PGAP4: variants seen among roughly 807,000 people sequenced by gnomAD.
PGAP4 encodes GPI-N-acetylgalactosamine transferase PGAP4.
A neutral mutation model predicts 28.2 loss-of-function variants in PGAP4; 12 were observed. The observed-to-expected ratio is 0.42, with a 90% confidence interval of 0.27 to 0.69. The LOEUF (loss-of-function observed/expected upper bound fraction) is 0.69. Ranked by LOEUF, PGAP4 falls within the 30% of genes least tolerant of loss-of-function variation. PGAP4 has a pLI of 0.22. For missense variants in PGAP4, 425 were observed against 513.5 expected (o/e 0.83, Z 1.67); for synonymous variants, 205 against 211.8 (o/e 0.97, Z 0.28).
At chr9:101,510,006 A>G (rs2118607613) in intron 2 of PGAP4, among the ~76,000 whole-genome samples, 1 of 152,328 alleles carries the variant, frequency 6.6e-6, no homozygotes, top group Admixed American at 6.5e-5. Flanking sequence ...CCTCATGCAC[A>G]TCCTCCTGAA....
At chr9:101,524,820 G>A (rs1402579195) in intron 2 of PGAP4, among the ~76,000 whole-genome samples, 1 of 152,194 alleles carries the variant, frequency 6.6e-6, no homozygotes, top group Non-Finnish European at 1.5e-5. Context: ...CAGTTTTAGG[G>A]GGCTCTCCTG....
intron 2 of PGAP4, among the ~76,000 whole-genome samples, chr9:101,525,699 CAAAAAAAAA>C (rs397893277): frequency 3.3e-5 from 2 of 61,408 alleles, no homozygotes; most frequent in South Asian, 6.0e-4. Flanking sequence ...CAGAGCGTCT[CAAAAAAAAA>C]AAAAAAAAAA....
intron 1 of PGAP4, among the ~76,000 whole-genome samples, chr9:101,478,199 A>T (rs2118508250): frequency 6.6e-6 from 1 of 152,344 alleles, no homozygotes; most frequent in South Asian, 2.1e-4. Context: ...TGCCATTAAA[A>T]TCTATCCATG....
At chr9:101,494,932 T>G (rs1826725590) in intron 2 of PGAP4, among the ~76,000 whole-genome samples, 1 of 150,402 alleles carries the variant, frequency 6.6e-6, no homozygotes, top group African/African-American at 2.4e-5. Context: ...AATAGCATAT[T>G]TATATAAATG....
chr9:101,495,783 T>A (rs1435480680), intron 2 of PGAP4, among the ~76,000 whole-genome samples: 2 of 150,992 alleles, frequency 1.3e-5, no homozygotes, highest in African/African-American at 4.8e-5. Context: ...GCAATTATCT[T>A]AATAAAACAT....
At chr9:101,529,879 A>AT in intron 2 of PGAP4, among the ~76,000 whole-genome samples, 1 of 152,368 alleles carries the variant, frequency 6.6e-6, no homozygotes, top group Middle Eastern at 3.4e-3. Flanking sequence ...AAGAACTTGC[A>AT]TTTTCAGAGA....
chr9:101,473,890 A>G lies in PGAP4; in HGVS notation c.*1991T>C, dbSNP rs2118469072. The G allele has an allele frequency of 6.6e-6, 1 of 152,380 alleles. No individual in the cohort carries two copies. The highest frequency in any genetic ancestry group is 6.5e-5 in the Admixed American group (1 of 15,302). 9.4% of individuals were successfully genotyped at this position (152,380 alleles called of 1,614,324 possible). A position where few individuals can be genotyped will look rare whatever the true frequency, so the allele number is the denominator to read the frequency against. On this transcript the variant is annotated 3_prime_UTR_variant, in exon 2 of 2. Transcript: ENST00000374848. ...GGAGGAATGAAGGAGTGGGATCTGA[A>G]CATTGTAATAAGTCATCTAGTAGCT...
rs1012298683 is a variant in PGAP4 at position 101,486,256 on chromosome 9, C to T, written c.-78+693G>A. On this transcript the variant is annotated intron_variant, in intron 1 of 1. Transcript: ENST00000374848. The surrounding 1 kb of genome is among the most constrained non-coding windows in gnomAD (Gnocchi z 4.7). ...CCTGGATCTAGTGTCTGTCGCTGAC[C>T]TTGGGCAGTCCCTGCCACGCTTGAG... is the stretch of plus-strand genomic sequence containing the variant. Among the ~76,000 whole-genome samples, 15 of 152,192 alleles carry T rather than the reference C, an allele frequency of 9.9e-5. No homozygotes were observed. The highest frequency in any genetic ancestry group is 3.1e-4 in the African/African-American group (13 of 41,464).
intron 1 of PGAP4, among the ~76,000 whole-genome samples, chr9:101,481,869 A>G (rs1237709054): frequency 6.6e-6 from 1 of 152,094 alleles, no homozygotes; most frequent in Non-Finnish European, 1.5e-5. Flanking sequence ...CCACGCAGTC[A>G]CTTCCTAATC....
upstream of PGAP4, among the ~76,000 whole-genome samples, chr9:101,490,945 C>A (rs150378135): frequency 1.3e-5 from 2 of 152,166 alleles, no homozygotes; most frequent in East Asian, 3.8e-4. Flanking sequence ...GTTTAAGGAA[C>A]GTGCTGCATT....
At chr9:101,488,460 C>A (rs1449739868), upstream of PGAP4, among the ~76,000 whole-genome samples, 2 of 152,178 alleles carry the variant, frequency 1.3e-5, no homozygotes, top group African/African-American at 4.8e-5. Flanking sequence ...AAATTAACTC[C>A]TCTGTGCCTC....
rs1401073548 is a variant in PGAP4 at position 101,473,215 on chromosome 9, A to G, written c.*2666T>C. 6.6e-6 allele frequency: 1 copy of G among 152,236 alleles called. No individual in the cohort carries two copies. The highest frequency in any genetic ancestry group is 1.5e-5 in the Non-Finnish European group (1 of 68,048). 9.4% of individuals were successfully genotyped at this position (152,236 alleles called of 1,614,324 possible). A position where few individuals can be genotyped will look rare whatever the true frequency, so the allele number is the denominator to read the frequency against. ...TTTATTTTCACAGACATGTCTATGCAATACACTCAGTCACAAGAGAGAGCT... is the reference window on the plus strand; with the variant it reads ...TTTATTTTCACAGACATGTCTATGCGATACACTCAGTCACAAGAGAGAGCT... On this transcript the variant is annotated 3_prime_UTR_variant, in exon 2 of 2. Coordinates refer to ENST00000374848, the MANE Select transcript of PGAP4 (RefSeq NM_032342.3).
intron 2 of PGAP4, among the ~76,000 whole-genome samples, chr9:101,525,068 G>A (rs2118635104): frequency 6.6e-6 from 1 of 152,314 alleles, no homozygotes. Context: ...TTGTGTACCA[G>A]TGAATATACG....
Position 101,475,716 on chromosome 9 carries a change from C to T in PGAP4, c.*165G>A. ...ACTGCTGCTCCTGCCAGGAGGCTAC[C>T]AAAGCCAAGGCTCTTAACATATTGA... is the stretch of plus-strand genomic sequence containing the variant. On this transcript the variant is annotated 3_prime_UTR_variant, in exon 2 of 2. Transcript: ENST00000374848. The T allele has an allele frequency of 2.6e-6, 2 of 755,834 alleles. No individual in the cohort carries two copies. The highest frequency in any genetic ancestry group is 5.8e-5 in the Admixed American group (2 of 34,550). The allele number at this position is 755,834 out of a possible 1,614,324, so 46.8% of individuals were successfully genotyped here. A position where few individuals can be genotyped will look rare whatever the true frequency, so the allele number is the denominator to read the frequency against.
intron 2 of PGAP4, among the ~76,000 whole-genome samples, chr9:101,528,946 C>T (rs1238946488): frequency 2.0e-5 from 3 of 151,946 alleles, no homozygotes; most frequent in Non-Finnish European, 4.4e-5. Context: ...CCTCCTCCCA[C>T]CCTTCACTAG....
chr9:101,517,633 T>C (rs1374847567), intron 2 of PGAP4, among the ~76,000 whole-genome samples: 1 of 152,000 alleles, frequency 6.6e-6, no homozygotes, highest in African/African-American at 2.4e-5. Context: ...ATGATGGTTG[T>C]TGGGTTGGGG....
intron 2 of PGAP4, among the ~76,000 whole-genome samples, chr9:101,529,522 A>T (rs1827067846): frequency 6.6e-6 from 1 of 152,232 alleles, no homozygotes. Context: ...ACTACCAATT[A>T]GCTCTCACGT....
intron 2 of PGAP4, among the ~76,000 whole-genome samples, chr9:101,522,502 A>C (rs1588210768): frequency 6.6e-6 from 1 of 152,202 alleles, no homozygotes; most frequent in South Asian, 2.1e-4. Context: ...TGTTGCTTTA[A>C]AGTTTGTTTT....
chr9:101,525,527 C>G (rs1329022947), intron 2 of PGAP4, among the ~76,000 whole-genome samples: 1 of 151,310 alleles, frequency 6.6e-6, no homozygotes, highest in African/African-American at 2.4e-5. Flanking sequence ...GCCAACATGG[C>G]GAAACCCTGT....
Sources: allele counts gnomAD v4.1 joint callset (sites outside exome capture counted in the v4.1 genomes callset), GRCh38; gene constraint gnomAD v4.1.1; non-coding constraint Gnocchi (gnomAD v3.1); transcripts MANE v1.5; gene names NCBI Gene and HGNC (gene_info 2026-07-23, HGNC 2026-07-21).